The following PHAF1 variants were observed in gnomAD, a reference collection of about 807,000 sequenced individuals.
PHAF1 encodes the protein phagophore assembly factor 1.
A neutral mutation model predicts 63.1 loss-of-function variants in PHAF1; 23 were observed. That is an observed-to-expected ratio of 0.36 (90% CI 0.26 to 0.52). The LOEUF (loss-of-function observed/expected upper bound fraction) is 0.52, where lower values mean the gene tolerates loss of function less well. Ranked by LOEUF, PHAF1 falls within the 20% of genes least tolerant of loss-of-function variation. The pLI is 0.93. For synonymous variants in PHAF1, 167 were observed against 185.0 expected, an observed-to-expected ratio of 0.90 and a Z score of 0.79; for missense variants, 427 against 517.2, an observed-to-expected ratio of 0.83 and a Z score of 1.69.
At chr16:67,120,239 G>A (rs778996914) in intron 2 of PHAF1, 45 bp downstream of exon 2, 1 of 1,553,328 alleles carries the variant, frequency 6.4e-7, no homozygotes, top group South Asian at 1.1e-5. Context: ...TCCCTCGGTA[G>A]TGAGTCACTT....
chr16:67,145,414 A>T lies in PHAF1; in HGVS notation c.1045A>T (p.Ser349Cys), dbSNP rs2029964611. 4.3e-6 allele frequency: 7 copies of T among 1,614,068 alleles called. No homozygotes were observed. Among genetic ancestry groups the T allele is most frequent in the Non-Finnish European group, 5.9e-6 (7 of 1,180,018 alleles). Residue 349 changes from serine to cysteine, a missense_variant, in exon 13 of 16, where the codon AGC becomes TGC. Coordinates refer to ENST00000219139, the MANE Select transcript of PHAF1 (RefSeq NM_025187.5). Reference sequence around the variant, plus strand: ...TCAGACAGAAACATGCACGACCTACAGCAAGGTGAGCACCTATCTTCCTAC... The same window carrying T: ...TCAGACAGAAACATGCACGACCTACTGCAAGGTGAGCACCTATCTTCCTAC... ...DGQTETCTTYSKWDNIQELLG... is the reference protein window; with the variant it reads ...DGQTETCTTYCKWDNIQELLG...
intron 6 of PHAF1, 28 bp from the exon 7 acceptor site, chr16:67,134,140 A>C: frequency 3.2e-6 from 5 of 1,576,808 alleles, no homozygotes; most frequent in Non-Finnish European, 4.4e-6. Context: ...GTTGTGCCCT[A>C]AGTAAAACTC....
At chr16:67,132,390 T>G in intron 4 of PHAF1, 56 bp from the exon 5 acceptor site, 2 of 1,411,246 alleles carry the variant, frequency 1.4e-6, no homozygotes, top group Non-Finnish European at 2.0e-6. Flanking sequence ...CTATCTCACA[T>G]GATCTGTGGG....
At chr16:67,132,712 C>T (rs962685671) in intron 5 of PHAF1, 105 bp from the exon 6 acceptor site, 3 of 1,227,714 alleles carry the variant, frequency 2.4e-6, no homozygotes, top group Non-Finnish European at 3.6e-6. Context: ...AGAAACAAGC[C>T]ACAGGGAAGG....
chr16:67,132,711 C>A, intron 5 of PHAF1, 106 bp from the exon 6 acceptor site: 1 of 1,224,330 alleles, frequency 8.2e-7, no homozygotes, highest in Non-Finnish European at 1.2e-6. Flanking sequence ...TAGAAACAAG[C>A]CACAGGGAAG....
At chr16:67,117,725 A>C (rs1479713706) in intron 1 of PHAF1, among the ~76,000 whole-genome samples, 1 of 149,930 alleles carries the variant, frequency 6.7e-6, no homozygotes, top group Admixed American at 6.7e-5. Context: ...GCACCATTGC[A>C]CTCCAGCCTG....
chr16:67,117,195 G>A (rs1208145654), intron 1 of PHAF1, among the ~76,000 whole-genome samples: 1 of 133,192 alleles, frequency 7.5e-6, no homozygotes, highest in Non-Finnish European at 1.5e-5. Context: ...ACCATGCCCA[G>A]CTAATTTTTT....
chr16:67,144,183 C>A, intron 10 of PHAF1, 111 bp from the exon 11 acceptor site: 1 of 711,320 alleles, frequency 1.4e-6, no homozygotes, highest in South Asian at 1.7e-5. Context: ...TGCCTGCAGG[C>A]ATTCTTGCTG....
chr16:67,131,186 T>TG (rs1177944413), intron 3 of PHAF1, 100 bp from the exon 4 acceptor site: 5 of 498,700 alleles, frequency 1.0e-5, no homozygotes, highest in Non-Finnish European at 9.6e-6. Flanking sequence ...AATAGTTTTT[T>TG]TTTTTTTTTT....
At chr16:67,127,795 C>CAAAAA (rs907156115) in intron 3 of PHAF1, among the ~76,000 whole-genome samples, 1 of 137,880 alleles carries the variant, frequency 7.3e-6, no homozygotes, top group Non-Finnish European at 1.6e-5. Context: ...GACTCCGTCT[C>CAAAAA]AAAAAAAAAA....
At chr16:67,138,219 T>C (rs1018667101) in intron 8 of PHAF1, among the ~76,000 whole-genome samples, 3 of 152,112 alleles carry the variant, frequency 2.0e-5, no homozygotes, top group African/African-American at 7.2e-5. Flanking sequence ...ACTGGATACT[T>C]TGGGCCCAGA....
At position 67,147,127 on chromosome 16, in the gene PHAF1, C is replaced by A; in HGVS notation, c.1265C>A (p.Pro422His). Residue 422 changes from proline to histidine, a missense_variant, in exon 16 of 16, where the codon CCC (proline) becomes CAC (histidine). Physicochemically the swap from Pro to His is moderately conservative, Grantham distance 77 (BLOSUM62 -2). Coordinates refer to ENST00000219139, the MANE Select transcript of PHAF1 (RefSeq NM_025187.5). ...PGSHLRTAEL[P>H] ...AGCCACCTGAGAACAGCGGAACTCC[C>A]CTAGGGACACCACCACCCATGCCCC... 1 of 1,609,542 alleles carries A rather than the reference C, an allele frequency of 6.2e-7. No individual in the cohort carries two copies.
At chr16:67,125,701 A>G (rs558592140) in intron 2 of PHAF1, among the ~76,000 whole-genome samples, 77 of 152,324 alleles carry the variant, frequency 5.1e-4, no homozygotes, top group Non-Finnish European at 8.5e-4. Flanking sequence ...CCTTTTCCCC[A>G]GGTATTTTTA....
At chr16:67,112,875 T>C (rs1351210562) in intron 1 of PHAF1, among the ~76,000 whole-genome samples, 1 of 152,206 alleles carries the variant, frequency 6.6e-6, no homozygotes, top group Non-Finnish European at 1.5e-5. Context: ...TTTAACTTTA[T>C]CAGACTTTAA....
intron 3 of PHAF1, among the ~76,000 whole-genome samples, chr16:67,127,271 G>A (rs1232854564): frequency 2.0e-5 from 3 of 152,208 alleles, no homozygotes; most frequent in African/African-American, 7.2e-5. Flanking sequence ...ATGGGCCCTG[G>A]GCAGTGGCAT....
At chr16:67,145,511 T>C (rs2029975304) in intron 13 of PHAF1, 59 bp from the exon 14 acceptor site, 4 of 1,611,912 alleles carry the variant, frequency 2.5e-6, no homozygotes, top group Middle Eastern at 1.7e-4. Flanking sequence ...AGGCCAGCCA[T>C]TGGTCACAGA....
intron 9 of PHAF1, 52 bp from the exon 10 acceptor site, chr16:67,140,459 A>G (rs8047207): frequency 0.055 from 75,540 of 1,386,032 alleles, 4,904 homozygotes; most frequent in African/African-American, 0.28. Context: ...CAGTTAATCC[A>G]GAACTATATT....
intron 4 of PHAF1, 146 bp downstream of exon 4, chr16:67,131,475 G>T (rs954362553): frequency 1.2e-5 from 7 of 600,328 alleles, no homozygotes; most frequent in African/African-American, 1.9e-5. Context: ...CTTCAAGCCT[G>T]CTCAGTTTCC....
rs1963530289 is a variant in PHAF1 at position 67,134,347 on chromosome 16, G to C, written c.549-8G>C. On this transcript the variant is annotated splice_polypyrimidine_tract_variant and splice_region_variant and intron_variant, in intron 7 of 15. Transcript: ENST00000219139. ...CCAAGCCTCTGCTCATTCTGTGTCT[G>C]TCCCCAGGGCTCCCATGATGCCTCT... The C allele has an allele frequency of 4.3e-6, 7 of 1,611,276 alleles. No individual in the cohort carries two copies. The highest frequency in any genetic ancestry group is 5.9e-6 in the Non-Finnish European group (7 of 1,177,392).
Sources: allele counts gnomAD v4.1 joint callset (sites outside exome capture counted in the v4.1 genomes callset), GRCh38; gene constraint gnomAD v4.1.1; transcripts MANE v1.5; gene names NCBI Gene and HGNC (gene_info 2026-07-23, HGNC 2026-07-21).